Variants in SDR9C7 observed in about 807,000 individuals in gnomAD.
SDR9C7 encodes the protein short-chain dehydrogenase/reductase family 9C member 7.
A neutral mutation model predicts 23.6 loss-of-function variants in SDR9C7; 11 were observed. That is an observed-to-expected ratio of 0.47 (90% CI 0.29 to 0.77). The LOEUF is 0.77. SDR9C7 is among the 30% of genes least tolerant of loss of function. SDR9C7 has a pLI of 0.09. For synonymous variants in SDR9C7, 167 were observed against 157.3 expected, an observed-to-expected ratio of 1.06 and a Z score of -0.46; for missense variants, 387 against 407.1, an observed-to-expected ratio of 0.95 and a Z score of 0.42.
At chr12:56,932,345 G>A (rs1955773239) in intron 1 of SDR9C7, among the ~76,000 whole-genome samples, 1 of 152,170 alleles carries the variant, frequency 6.6e-6, no homozygotes, top group South Asian at 2.1e-4. Flanking sequence ...CCTTGAAGAT[G>A]GAGGTAGCAG....
intron 3 of SDR9C7, among the ~76,000 whole-genome samples, chr12:56,928,552 G>T (rs1247833848): frequency 6.6e-6 from 1 of 152,192 alleles, no homozygotes; most frequent in South Asian, 2.1e-4. Flanking sequence ...TGCTGTGTCC[G>T]CTCCAGCTCT....
At position 56,933,966 on chromosome 12, in the gene SDR9C7, T is replaced by C; in HGVS notation, c.296A>G (p.Glu99Gly). 1 of 1,604,950 alleles carries C rather than the reference T, an allele frequency of 6.2e-7. No individual in the cohort carries two copies. Among genetic ancestry groups the C allele is most frequent in the South Asian group, 1.1e-5 (1 of 90,794 alleles). Residue 99 changes from glutamate (E) to glycine (G), a missense_variant, in exon 1 of 4, where the codon GAA becomes GGA. Transcript: ENST00000293502. The stretch of plus-strand genomic sequence containing the variant: ...AAGAATGTAATTCGCCCCACCTTGT[T>C]CGCCCACTTTGTCCCTCACCCACTG... ...AAQWVRDKVG[E>G]QGLWALVNNA...
At position 56,930,468 on chromosome 12, in the gene SDR9C7, C is replaced by T; in HGVS notation, c.318G>A (p.Val106=). ...KVGEQGLWAL[V]NNAGVGLPSG... is the part of the protein sequence containing the mutation. ...TGGGCAGGCCCACACCAGCATTGTTCACCAGGGCCCAGAGGCCTGGGGGTG... is the reference window on the plus strand; with the variant it reads ...TGGGCAGGCCCACACCAGCATTGTTTACCAGGGCCCAGAGGCCTGGGGGTG... The change falls in exon 2 of 4, where the codon GTG becomes GTA. Residue 106 remains valine (V), a synonymous_variant. Coordinates refer to ENST00000293502, the MANE Select transcript of SDR9C7 (RefSeq NM_148897.3). 1 of 1,614,092 alleles carries T rather than the reference C, an allele frequency of 6.2e-7. No homozygotes were observed. Among genetic ancestry groups the T allele is most frequent in the Non-Finnish European group, 8.5e-7 (1 of 1,179,982 alleles).
intron 3 of SDR9C7, among the ~76,000 whole-genome samples, chr12:56,926,678 G>A (rs1406178233): frequency 6.6e-6 from 1 of 152,210 alleles, no homozygotes; most frequent in East Asian, 1.9e-4. Context: ...AGTTTGGAGA[G>A]CTATACAACA....
intron 3 of SDR9C7, 37 bp from the exon 4 acceptor site, chr12:56,924,087 T>C: frequency 7.0e-7 from 1 of 1,425,114 alleles, no homozygotes; most frequent in Non-Finnish European, 9.8e-7. Context: ...GGCTCTGTTA[T>C]TCTTCATAAA....
intron 1 of SDR9C7, among the ~76,000 whole-genome samples, chr12:56,933,341 G>A (rs540707005): frequency 6.6e-6 from 1 of 152,274 alleles, no homozygotes; most frequent in Admixed American, 6.5e-5. Context: ...TGAAACATCA[G>A]AGAGGCACAT....
chr12:56,924,110 C>T (rs1213825847), intron 3 of SDR9C7, 60 bp from the exon 4 acceptor site: 2 of 1,235,650 alleles, frequency 1.6e-6, no homozygotes, highest in African/African-American at 3.0e-5. Context: ...ATGGCTTCTT[C>T]CGAATTCCAT....
intron 3 of SDR9C7, among the ~76,000 whole-genome samples, chr12:56,925,529 G>A (rs1955727689): frequency 6.6e-6 from 1 of 152,168 alleles, no homozygotes; most frequent in Non-Finnish European, 1.5e-5. Flanking sequence ...GTGAGAATGG[G>A]GCAGCATCAC....
In SDR9C7 at chr12:56,923,625, C is replaced by T. The variant is rs2136365265; in HGVS notation, c.*208G>A. 2.1e-6 allele frequency: 1 copy of T among 473,396 alleles called. No homozygotes were observed. The highest frequency in any genetic ancestry group is 3.7e-6 in the Non-Finnish European group (1 of 268,666). The allele number at this position is 473,396 out of a possible 1,614,324, so 29.3% of individuals were successfully genotyped here. Reference sequence around the variant, plus strand: ...ATCGCTGAACCTGCAAAGACCACCTCAGGTTTCTGTGGGGTCCCAGAGGGT... The same window carrying T: ...ATCGCTGAACCTGCAAAGACCACCTTAGGTTTCTGTGGGGTCCCAGAGGGT... On this transcript the variant is annotated 3_prime_UTR_variant, in exon 4 of 4. Transcript: ENST00000293502.
rs1169210569 is a variant in SDR9C7, at chr12:56,934,007, G to A, written c.255C>T (p.Ser85=). The stretch of plus-strand genomic sequence containing the variant: ...TCACCCACTGGGCCGCCGCCTTGAT[G>A]CTTTCGCTCTTGGTGACATCCAGTA... The part of the protein sequence containing the change: ...TTLLDVTKSE[S]IKAAAQWVRD... Residue 85 remains serine, a synonymous_variant, in exon 1 of 4, where the codon AGC becomes AGT. Transcript: ENST00000293502. 4 of 1,613,122 alleles carry A rather than the reference G, an allele frequency of 2.5e-6. No homozygotes were observed. Among genetic ancestry groups the A allele is most frequent in the Non-Finnish European group, 2.5e-6 (3 of 1,179,114 alleles).
Position 56,929,514 on chromosome 12 carries a change from A to G in SDR9C7, c.600T>C (p.Ile200=). Residue 200 remains isoleucine (I), a synonymous_variant, in exon 3 of 4, where the codon ATT becomes ATC. Coordinates refer to ENST00000293502, the MANE Select transcript of SDR9C7 (RefSeq NM_148897.3). ...LYYFGVKVCI[I]EPGNYRTAIL... is the part of the protein sequence containing the mutation. Reference sequence around the variant, plus strand: ...TGGCTGTCCGATAGTTCCCTGGCTCAATGATGCAGACTTTCACCCCAAAGT... The same window carrying G: ...TGGCTGTCCGATAGTTCCCTGGCTCGATGATGCAGACTTTCACCCCAAAGT... 2 of 1,612,432 alleles carry G rather than the reference A, an allele frequency of 1.2e-6. No individual in the cohort carries two copies. The highest frequency in any genetic ancestry group is 1.7e-6 in the Non-Finnish European group (2 of 1,178,574).
At chr12:56,925,351 T>C (rs1238640651) in intron 3 of SDR9C7, among the ~76,000 whole-genome samples, 5 of 152,174 alleles carry the variant, frequency 3.3e-5, no homozygotes, top group East Asian at 1.9e-4. Flanking sequence ...TCATGCTTCA[T>C]TGAGAGCCCT....
chr12:56,928,009 C>G (rs1955744888), intron 3 of SDR9C7, among the ~76,000 whole-genome samples: 2 of 152,196 alleles, frequency 1.3e-5, no homozygotes, highest in Non-Finnish European at 2.9e-5. Flanking sequence ...CCTAACATGT[C>G]TAGCACTAAA....
intron 3 of SDR9C7, among the ~76,000 whole-genome samples, chr12:56,924,453 T>TAAATAAATAAATAAAC (rs1555158974): frequency 9.9e-5 from 15 of 151,844 alleles, no homozygotes; most frequent in African/African-American, 3.6e-4. Context: ...AATAAATAAA[T>TAAATAAATAAATAAAC]AAACAAATAG....
At chr12:56,932,951 G>A (rs1467027338) in intron 1 of SDR9C7, among the ~76,000 whole-genome samples, 1 of 152,228 alleles carries the variant, frequency 6.6e-6, no homozygotes, top group Non-Finnish European at 1.5e-5. Flanking sequence ...CTCCAGACTA[G>A]TTCCTTTAGG....
intron 1 of SDR9C7, among the ~76,000 whole-genome samples, chr12:56,931,239 C>A (rs892561473): frequency 6.6e-6 from 1 of 151,758 alleles, no homozygotes; most frequent in Non-Finnish European, 1.5e-5. Context: ...CAGAGTGAGA[C>A]TCTGTCTCTA....
At position 56,934,282 on chromosome 12, in the gene SDR9C7, G is replaced by A; in HGVS notation, c.-21C>T. 1 of 1,598,834 alleles carries A rather than the reference G, an allele frequency of 6.3e-7. No homozygotes were observed. The highest frequency in any genetic ancestry group is 2.2e-5 in the East Asian group (1 of 44,750). ...GCCATAGGGCAAGGGGAATGTGATG[G>A]CCAAGAGGGACTGGGCTCAGGAGAC... On this transcript the variant is annotated 5_prime_UTR_variant, in exon 1 of 4. Transcript: ENST00000293502.
In SDR9C7 at chr12:56,923,167, T is replaced by C. The variant is rs1171599892; in HGVS notation, c.*666A>G. On this transcript the variant is annotated 3_prime_UTR_variant, in exon 4 of 4. Coordinates refer to ENST00000293502, the MANE Select transcript of SDR9C7 (RefSeq NM_148897.3). ...AAAAACCAAGACCATGATTTAATCA[T>C]CTTTATATTCCCCCAGCACCTACAA... 1 of 152,234 alleles carries C rather than the reference T, an allele frequency of 6.6e-6. No individual in the cohort carries two copies. The highest frequency in any genetic ancestry group is 2.4e-5 in the African/African-American group (1 of 41,468). The allele number at this position is 152,234 out of a possible 1,614,324, so 9.4% of individuals were successfully genotyped here. A position where few individuals can be genotyped will look rare whatever the true frequency, so the allele number is the denominator to read the frequency against.
Position 56,934,287 on chromosome 12 carries a change from G to A in SDR9C7, c.-26C>T, listed in dbSNP as rs1955785761. 1.9e-6 allele frequency: 3 copies of A among 1,593,754 alleles called. No homozygotes were observed. The highest frequency in any genetic ancestry group is 2.6e-6 in the Non-Finnish European group (3 of 1,167,898). ...AGGGCAAGGGGAATGTGATGGCCAAGAGGGACTGGGCTCAGGAGACAGCAG... is the reference window on the plus strand; with the variant it reads ...AGGGCAAGGGGAATGTGATGGCCAAAAGGGACTGGGCTCAGGAGACAGCAG... On this transcript the variant is annotated 5_prime_UTR_variant, in exon 1 of 4. Transcript: ENST00000293502.
Sources: allele counts gnomAD v4.1 joint callset (sites outside exome capture counted in the v4.1 genomes callset), GRCh38; gene constraint gnomAD v4.1.1; transcripts MANE v1.5; gene names NCBI Gene and HGNC (gene_info 2026-07-23, HGNC 2026-07-21).